RFX7: variants seen among roughly 807,000 people sequenced by gnomAD.
RFX7 encodes DNA-binding protein RFX7.
Under a neutral mutation model 111.8 loss-of-function variants are expected in RFX7, and 26 were observed. The observed-to-expected ratio is 0.23, with a 90% CI of 0.17 to 0.32. The LOEUF is 0.32. Ranked by LOEUF, RFX7 falls within the 10% of genes least tolerant of loss-of-function variation. The pLI is 1.00. For synonymous variants in RFX7, 624 were observed against 624.4 expected (o/e 1.00, Z 0.01); for missense variants, 1,573 against 1,772.9 (o/e 0.89, Z 2.02).
chr15:56,151,045 A>C (rs2042562777), intron 3 of RFX7, among the ~76,000 whole-genome samples: 1 of 152,198 alleles, frequency 6.6e-6, no homozygotes, highest in African/African-American at 2.4e-5. Flanking sequence ...CAAGCCTCCA[A>C]GAAATATGGG....
At chr15:56,198,741 C>A (rs1343286605) in intron 2 of RFX7, among the ~76,000 whole-genome samples, 1 of 152,038 alleles carries the variant, frequency 6.6e-6, no homozygotes, top group East Asian at 1.9e-4. Flanking sequence ...TTCAAAATAA[C>A]CAATGAAGAC....
At chr15:56,174,272 CTG>C (rs2042877154) in intron 3 of RFX7, among the ~76,000 whole-genome samples, 1 of 151,116 alleles carries the variant, frequency 6.6e-6, no homozygotes, top group African/African-American at 2.5e-5. Context: ...AAGTGAAACT[CTG>C]TCTCAAAAAA....
chr15:56,096,632 T>G lies in RFX7; in HGVS notation c.1108-12A>C. The G allele has an allele frequency of 6.4e-7, 1 of 1,550,756 alleles. No homozygotes were observed. The highest frequency in any genetic ancestry group is 8.7e-7 in the Non-Finnish European group (1 of 1,144,914). ...CTAGTCCGCTGGACCTGTTAAAAGATAGCAAAAAATCAGATTTAACAGGTC... is the reference window on the plus strand; with the variant it reads ...CTAGTCCGCTGGACCTGTTAAAAGAGAGCAAAAAATCAGATTTAACAGGTC... On this transcript the variant is annotated splice_polypyrimidine_tract_variant and intron_variant, in intron 9 of 9. Coordinates refer to ENST00000559447, the MANE Select transcript of RFX7 (RefSeq NM_022841.7).
At chr15:56,177,630 T>C (rs557615626) in intron 3 of RFX7, among the ~76,000 whole-genome samples, 1 of 152,322 alleles carries the variant, frequency 6.6e-6, no homozygotes, top group African/African-American at 2.4e-5. Flanking sequence ...TTATAATTTA[T>C]ACCAGTCTTC....
chr15:56,095,399 A>T lies in RFX7; in HGVS notation c.2329T>A (p.Phe777Ile). The change falls in exon 10 of 10, where the codon TTT becomes ATT. Residue 777 changes from phenylalanine to isoleucine, a missense_variant. Physicochemically the swap from Phe to Ile is conservative, Grantham distance 21. Around this residue, in one of 7 missense-constraint regions of RFX7, gnomAD observed 625 missense variants for 632.2 expected, o/e 0.99. Coordinates refer to ENST00000559447, the MANE Select transcript of RFX7 (RefSeq NM_022841.7). ...LDSDSKSVGS[F>I]NPNGWQQITK... is the part of the protein sequence containing the mutation. ...ATTTGTTGCCATCCATTTGGATTAA[A>T]GCTGCCAACTGACTTTGAATCACTG... 6.2e-7 allele frequency: 1 copy of T among 1,613,540 alleles called. No individual in the cohort carries two copies. The highest frequency in any genetic ancestry group is 8.5e-7 in the Non-Finnish European group (1 of 1,179,872).
intron 2 of RFX7, among the ~76,000 whole-genome samples, chr15:56,231,494 G>A (rs2043557312): frequency 6.6e-6 from 1 of 152,108 alleles, no homozygotes; most frequent in South Asian, 2.1e-4. Flanking sequence ...TCACTACCAT[G>A]AGAACAGTAT....
At chr15:56,188,090 G>T (rs192501211) in intron 2 of RFX7, among the ~76,000 whole-genome samples, 1 of 151,996 alleles carries the variant, frequency 6.6e-6, no homozygotes. Context: ...ATAAATGTTC[G>T]CATGGGGAAA....
chr15:56,128,182 A>C (rs2042169469), intron 5 of RFX7, among the ~76,000 whole-genome samples: 1 of 152,204 alleles, frequency 6.6e-6, no homozygotes, highest in South Asian at 2.1e-4. Flanking sequence ...GTGAATTCTA[A>C]TCAGTCTTTC....
At chr15:56,157,628 T>C (rs573446067) in intron 3 of RFX7, among the ~76,000 whole-genome samples, 1 of 152,384 alleles carries the variant, frequency 6.6e-6, no homozygotes, top group East Asian at 1.9e-4. Context: ...TTGCCCAGGC[T>C]GGAGTGCAGT....
In RFX7 at chr15:56,150,738, G is replaced by T. The variant is rs560935180; in HGVS notation, c.196-6255C>A. ...GAGTTTGAAGAACTGACAAAAGTAGGCTTCAGAAGGTGGGTAATAACGAAC... is the reference window on the plus strand; with the variant it reads ...GAGTTTGAAGAACTGACAAAAGTAGTCTTCAGAAGGTGGGTAATAACGAAC... On this transcript the variant is annotated intron_variant, in intron 3 of 9. Transcript: ENST00000559447. Among the ~76,000 whole-genome samples the T allele has an allele frequency of 2.0e-5, 3 of 152,278 alleles. No homozygotes were observed. In the East Asian group the frequency reaches 5.8e-4, roughly 29 times the overall value.
At chr15:56,102,577 G>A (rs569654496) in intron 6 of RFX7, among the ~76,000 whole-genome samples, 1 of 152,314 alleles carries the variant, frequency 6.6e-6, no homozygotes, top group Non-Finnish European at 1.5e-5. Context: ...GGAATAGCCA[G>A]ATGGAAACCT....
intron 2 of RFX7, among the ~76,000 whole-genome samples, chr15:56,180,750 C>CAAAAAAAAAAAA (rs869160446): frequency 1.5e-5 from 1 of 65,590 alleles, no homozygotes. Context: ...TACTAAAATA[C>CAAAAAAAAAAAA]AAAAAAAAAA....
intron 3 of RFX7, among the ~76,000 whole-genome samples, chr15:56,173,744 T>TG (rs2042871472): frequency 2.0e-5 from 3 of 151,636 alleles, no homozygotes; most frequent in Admixed American, 2.0e-4. Flanking sequence ...CAGTGAGCTG[T>TG]GGTTCTGAAA....
At chr15:56,187,106 C>T (rs2043048066) in intron 2 of RFX7, among the ~76,000 whole-genome samples, 1 of 151,932 alleles carries the variant, frequency 6.6e-6, no homozygotes. Flanking sequence ...AACAATTATA[C>T]ATTCTGGACA....
intron 3 of RFX7, among the ~76,000 whole-genome samples, chr15:56,177,042 ACTACTTCCTGCTTGAACTTTTCTATCATT>A (rs1414892978): frequency 3.9e-5 from 6 of 152,046 alleles, no homozygotes; most frequent in Non-Finnish European, 8.8e-5. Context: ...TAATACATGA[ACTACTTCCTGCTTGAACTTTTCTATCATT>A]CTCTACTTCC....
At chr15:56,188,472 G>A (rs2043064782) in intron 2 of RFX7, among the ~76,000 whole-genome samples, 1 of 152,080 alleles carries the variant, frequency 6.6e-6, no homozygotes, top group African/African-American at 2.4e-5. Flanking sequence ...TAATTATAAA[G>A]AAACCCACAC....
At chr15:56,152,466 C>T (rs1001398775) in intron 3 of RFX7, among the ~76,000 whole-genome samples, 13 of 151,922 alleles carry the variant, frequency 8.6e-5, no homozygotes, top group African/African-American at 2.7e-4. Context: ...GGGTAAATAA[C>T]GAAATGAAGG....
At chr15:56,215,311 G>C (rs745776913) in intron 2 of RFX7, among the ~76,000 whole-genome samples, 12 of 151,972 alleles carry the variant, frequency 7.9e-5, no homozygotes, top group Non-Finnish European at 1.6e-4. Flanking sequence ...CAGATACAGA[G>C]GGCTGACTGT....
chr15:56,131,028 A>G (rs1371869013), intron 5 of RFX7, among the ~76,000 whole-genome samples: 3 of 152,106 alleles, frequency 2.0e-5, no homozygotes, highest in Non-Finnish European at 4.4e-5. Context: ...ACTGTTCCAG[A>G]GCACAGAAAA....
Sources: gnomAD v4.1 joint callset for allele counts (sites outside exome capture counted in the v4.1 genomes callset) on GRCh38, gnomAD v4.1.1 for gene constraint, gnomAD v4.1.1 regional missense constraint, MANE v1.5 for transcripts, NCBI Gene and HGNC (gene_info 2026-07-23, HGNC 2026-07-21) for gene names.